Variants in UNC13B observed in about 807,000 individuals in gnomAD.
The protein encoded by UNC13B is unc-13 homolog B, also known as protein unc-13 homolog B.
Under a neutral mutation model 211.0 loss-of-function variants are expected in UNC13B, and 144 were observed. The observed-to-expected ratio is 0.68, with a 90% confidence interval of 0.60 to 0.78. The LOEUF (loss-of-function observed/expected upper bound fraction) is 0.78. Among genes scored for constraint, UNC13B ranks in the 30% least tolerant of loss-of-function variants. The pLI is 0.00. For synonymous variants in UNC13B, 709 were observed against 725.8 expected (o/e 0.98, Z 0.37); for missense variants, 1,777 against 2,002.0 (o/e 0.89, Z 2.14).
chr9:35,402,509 C>G (rs1388526212), intron 37 of UNC13B, among the ~76,000 whole-genome samples: 1 of 152,014 alleles, frequency 6.6e-6, no homozygotes, highest in African/African-American at 2.4e-5. Flanking sequence ...GTCTCAATCT[C>G]CTGACCTCGT....
At chr9:35,353,580 T>C in intron 11 of UNC13B, 2 of 1,232,120 alleles carry the variant, frequency 1.6e-6, no homozygotes, top group Non-Finnish European at 2.0e-6. Flanking sequence ...AATAACTCCT[T>C]GCCAAGTGTT....
chr9:35,230,461 ACT>A (rs1452782459), intron 2 of UNC13B, among the ~76,000 whole-genome samples: 2 of 131,994 alleles, frequency 1.5e-5, no homozygotes, highest in Non-Finnish European at 3.1e-5. Context: ...ACACAGCAAG[ACT>A]CTGTCTCAAA....
intron 7 of UNC13B, among the ~76,000 whole-genome samples, chr9:35,263,671 C>A (rs1211497142): frequency 2.6e-5 from 4 of 151,868 alleles, no homozygotes; most frequent in African/African-American, 9.7e-5. Flanking sequence ...TTGTGTCTAC[C>A]CCCCATTTAT....
chr9:35,378,249 G>A lies in UNC13B; in HGVS notation c.10064-46G>A, dbSNP rs762335816. The A allele has an allele frequency of 1.4e-5, 23 of 1,611,510 alleles. No homozygotes were observed. In the South Asian group the frequency reaches 2.0e-4, roughly 14 times the overall value. ...AAAGCATATGAGTAGTGTTGTGGGGGGCTTCTGAACGACTCTGAAGCCTCC... is the reference window on the plus strand; with the variant it reads ...AAAGCATATGAGTAGTGTTGTGGGGAGCTTCTGAACGACTCTGAAGCCTCC... On this transcript the variant is annotated intron_variant, in intron 16 of 39. Transcript: ENST00000635942.
At chr9:35,267,537 C>A (rs1252075046) in intron 7 of UNC13B, among the ~76,000 whole-genome samples, 3 of 152,202 alleles carry the variant, frequency 2.0e-5, no homozygotes, top group East Asian at 1.9e-4. Context: ...GAGCAGTCTT[C>A]ATGGGACAGG....
intron 1 of UNC13B, among the ~76,000 whole-genome samples, chr9:35,180,021 A>G (rs1478228130): frequency 6.6e-6 from 1 of 152,206 alleles, no homozygotes; most frequent in East Asian, 1.9e-4. Context: ...ATAAACAGTA[A>G]CCATAGAAAT....
At chr9:35,164,690 C>T (rs1020241308) in intron 1 of UNC13B, among the ~76,000 whole-genome samples, 2 of 152,192 alleles carry the variant, frequency 1.3e-5, no homozygotes, top group Admixed American at 1.3e-4. Flanking sequence ...TTATTCCTGC[C>T]TCTGCTCTGT....
intron 11 of UNC13B, among the ~76,000 whole-genome samples, chr9:35,322,199 T>TTGATG (rs1404148280): frequency 5.3e-5 from 8 of 152,286 alleles, no homozygotes; most frequent in African/African-American, 1.7e-4. Context: ...TAATAAGTGT[T>TTGATG]TGATGACATT....
chr9:35,303,126 A>G lies in UNC13B; in HGVS notation c.3722A>G (p.Glu1241Gly). 1 of 398,714 alleles carries G rather than the reference A, an allele frequency of 2.5e-6. No homozygotes were observed. Among genetic ancestry groups the G allele is most frequent in the Admixed American group, 4.4e-5 (1 of 22,714 alleles). The allele number at this position is 398,714 out of a possible 1,614,324, so 24.7% of individuals were successfully genotyped here. A position where few individuals can be genotyped will look rare whatever the true frequency, so the allele number is the denominator to read the frequency against. ...VTSENPKNHVEKHETSSFIEA... is the reference protein window; with the variant it reads ...VTSENPKNHVGKHETSSFIEA... ...TCTGAGAACCCGAAGAACCATGTTG[A>G]AAAACATGAAACTTCTAGCTTCATA... The change falls in exon 9 of 40, where the codon GAA (glutamate) becomes GGA (glycine). Residue 1241 changes from glutamate (E) to glycine (G), a missense_variant. Glu to Gly is a moderately conservative substitution (Grantham distance 98). Coordinates refer to ENST00000635942, the MANE Select transcript of UNC13B (RefSeq NM_001371189.2).
chr9:35,297,557 T>G (rs1469625587), intron 8 of UNC13B, among the ~76,000 whole-genome samples: 1 of 143,986 alleles, frequency 6.9e-6, no homozygotes, highest in East Asian at 2.0e-4. Context: ...CTTTTTTTTT[T>G]TTTTTTTTTT....
chr9:35,377,019 A>G (rs745679982), intron 15 of UNC13B, among the ~76,000 whole-genome samples: 13 of 152,228 alleles, frequency 8.5e-5, no homozygotes, highest in Admixed American at 4.6e-4. Context: ...AAGCTGTAGC[A>G]CTGAAAGCTT....
At chr9:35,252,733 A>G (rs1322454856) in intron 6 of UNC13B, among the ~76,000 whole-genome samples, 2 of 152,070 alleles carry the variant, frequency 1.3e-5, no homozygotes, top group Non-Finnish European at 2.9e-5. Flanking sequence ...GATCGAGACC[A>G]TCCTGGCTAA....
chr9:35,271,435 G>A (rs1827874387), intron 7 of UNC13B, among the ~76,000 whole-genome samples: 1 of 152,120 alleles, frequency 6.6e-6, no homozygotes, highest in Non-Finnish European at 1.5e-5. Flanking sequence ...AATTTATAGA[G>A]CTGTTCTGAG....
At chr9:35,267,887 A>C (rs1374965825) in intron 7 of UNC13B, among the ~76,000 whole-genome samples, 1 of 152,190 alleles carries the variant, frequency 6.6e-6, no homozygotes, top group East Asian at 1.9e-4. Context: ...ATGGGGAAAT[A>C]TCAAGATAAC....
chr9:35,398,661 C>G lies in UNC13B; in HGVS notation c.11921+19C>G. 1 of 1,613,082 alleles carries G rather than the reference C, an allele frequency of 6.2e-7. No homozygotes were observed. Among genetic ancestry groups the G allele is most frequent in the Non-Finnish European group, 8.5e-7 (1 of 1,179,396 alleles). On this transcript the variant is annotated intron_variant, in intron 32 of 39. Coordinates refer to ENST00000635942, the MANE Select transcript of UNC13B (RefSeq NM_001371189.2). ...GAAACAGGTCAGTGACCCCACAATA[C>G]AAGGCCCTCAGAGCCAGATGTGGTC...
At chr9:35,280,034 T>C (rs553431690) in intron 7 of UNC13B, among the ~76,000 whole-genome samples, 2 of 152,296 alleles carry the variant, frequency 1.3e-5, no homozygotes, top group Admixed American at 6.5e-5. Context: ...TTTAGTGTCC[T>C]GGTCAAAGTT....
At position 35,342,648 on chromosome 9, in the gene UNC13B, C is replaced by T. The variant is rs10972440; in HGVS notation, c.9415-24299C>T. ...ATTCATATACAAATAATCTGTTTCT[C>T]CTTTTTCATGTGTCCATATGTGTTT... On this transcript the variant is annotated intron_variant, in intron 11 of 39. Transcript: ENST00000635942. Among the ~76,000 whole-genome samples the T allele has an allele frequency of 1.2e-3, 186 of 151,604 alleles. 6 individuals carry two copies. In the East Asian group the frequency reaches 0.032, roughly 26 times the overall value.
intron 6 of UNC13B, among the ~76,000 whole-genome samples, chr9:35,247,081 T>C (rs1564090840): frequency 6.6e-6 from 1 of 152,168 alleles, no homozygotes; most frequent in Non-Finnish European, 1.5e-5. Context: ...CCCTTGTAAG[T>C]TGGATTCCTA....
rs1476541486 is a variant in UNC13B, at chr9:35,310,796, C to T, written c.9323+15C>T. ...CCCCAGGAGAGGTAGGCAACAGCTGCCTTGAGGAGCTCACATGGCTTCCTC... is the reference window on the plus strand; with the variant it reads ...CCCCAGGAGAGGTAGGCAACAGCTGTCTTGAGGAGCTCACATGGCTTCCTC... On this transcript the variant is annotated intron_variant, in intron 10 of 39. Transcript: ENST00000635942. The T allele has an allele frequency of 6.2e-7, 1 of 1,606,924 alleles. No individual in the cohort carries two copies. The highest frequency in any genetic ancestry group is 2.2e-5 in the East Asian group (1 of 44,786).
Sources: gnomAD v4.1 joint callset for allele counts (sites outside exome capture counted in the v4.1 genomes callset) on GRCh38, gnomAD v4.1.1 for gene constraint, MANE v1.5 for transcripts, NCBI Gene and HGNC (gene_info 2026-07-23, HGNC 2026-07-21) for gene names.